NLGN1: variants seen among roughly 807,000 people sequenced by gnomAD.
The protein encoded by NLGN1 is neuroligin-1.
Under a neutral mutation model 65.5 loss-of-function variants are expected in NLGN1, and 12 were observed. The observed-to-expected ratio is 0.18, with a 90% confidence interval of 0.12 to 0.30. The LOEUF is 0.30. NLGN1 is among the 10% of genes least tolerant of loss of function. NLGN1 has a pLI of 1.00. For missense variants in NLGN1, 750 were observed against 1,007.1 expected, an observed-to-expected ratio of 0.74 and a Z score of 3.46; for synonymous variants, 350 against 359.5, an observed-to-expected ratio of 0.97 and a Z score of 0.30.
downstream of NLGN1, among the ~76,000 whole-genome samples, chr3:174,289,264 A>G (rs1752462038): frequency 1.3e-5 from 2 of 151,400 alleles, no homozygotes; most frequent in Non-Finnish European, 3.0e-5. Context: ...AATATCTACT[A>G]ATACTTGTTG....
intron 4 of NLGN1, among the ~76,000 whole-genome samples, chr3:174,115,857 T>A (rs1007411765): frequency 3.3e-5 from 5 of 152,212 alleles, no homozygotes; most frequent in Admixed American, 2.0e-4. Flanking sequence ...AATGAAGATG[T>A]TGAAGTACAT....
intron 4 of NLGN1, among the ~76,000 whole-genome samples, chr3:173,840,836 T>C (rs1032028333): frequency 2.0e-5 from 3 of 152,146 alleles, no homozygotes; most frequent in Non-Finnish European, 4.4e-5. Context: ...ACTTTTTGCC[T>C]CAAAAGCTTT....
At chr3:173,454,028 T>A (rs1722096184) in intron 2 of NLGN1, among the ~76,000 whole-genome samples, 1 of 152,246 alleles carries the variant, frequency 6.6e-6, no homozygotes, top group African/African-American at 2.4e-5. Context: ...GACTGTAGAA[T>A]GAATGTTGTG....
At chr3:174,202,852 G>T (rs964810230) in intron 4 of NLGN1, 5 of 152,216 alleles carry the variant, frequency 3.3e-5, no homozygotes, top group African/African-American at 1.2e-4. Flanking sequence ...GTCAATGAGA[G>T]ATACACACAG....
intron 2 of NLGN1, among the ~76,000 whole-genome samples, chr3:173,549,329 C>T (rs1040687066): frequency 2.0e-5 from 3 of 151,926 alleles, no homozygotes; most frequent in Non-Finnish European, 4.4e-5. Context: ...TTAGCAAAAA[C>T]CAAAATATTT....
intron 2 of NLGN1, among the ~76,000 whole-genome samples, chr3:173,529,308 C>T (rs1044031807): frequency 3.3e-5 from 5 of 152,076 alleles, no homozygotes; most frequent in Admixed American, 2.6e-4. Flanking sequence ...CAGGTGAGTA[C>T]GTACTTGACA....
At chr3:174,165,681 A>G (rs1272440813) in intron 4 of NLGN1, among the ~76,000 whole-genome samples, 2 of 151,962 alleles carry the variant, frequency 1.3e-5, no homozygotes, top group African/African-American at 4.8e-5. Flanking sequence ...TGTCTTTGCA[A>G]GCTTTGGTAT....
intron 2 of NLGN1, among the ~76,000 whole-genome samples, chr3:173,581,793 T>C (rs943331251): frequency 2.0e-5 from 3 of 151,936 alleles, no homozygotes; most frequent in African/African-American, 7.2e-5. Flanking sequence ...TTCACAGGAA[T>C]AATGTAGTCT....
chr3:173,750,390 G>A (rs1195988474), intron 3 of NLGN1, among the ~76,000 whole-genome samples: 1 of 152,000 alleles, frequency 6.6e-6, no homozygotes, highest in Non-Finnish European at 1.5e-5. Context: ...GAAGTTTCTG[G>A]TGAGAGTATG....
intron 4 of NLGN1, among the ~76,000 whole-genome samples, chr3:174,270,184 ATTTT>A (rs10547987): frequency 2.7e-4 from 35 of 127,886 alleles, no homozygotes; most frequent in African/African-American, 9.1e-4. Flanking sequence ...TTATTTGTTT[ATTTT>A]TTTTTTTTTC....
chr3:173,451,281 C>G (rs1002684761), intron 2 of NLGN1, among the ~76,000 whole-genome samples: 1 of 152,180 alleles, frequency 6.6e-6, no homozygotes, highest in Admixed American at 6.5e-5. Flanking sequence ...TTTTAACAGT[C>G]AGGACCCTCA....
chr3:173,747,804 T>C (rs11918282), intron 3 of NLGN1, among the ~76,000 whole-genome samples: 14,076 of 67,660 alleles, frequency 0.21, 2,822 homozygotes, highest in East Asian at 0.35. Flanking sequence ...TCTTGTTCTT[T>C]TTTTTTTTTT....
intron 4 of NLGN1, among the ~76,000 whole-genome samples, chr3:174,006,720 T>TA (rs1297964108): frequency 6.6e-6 from 1 of 152,104 alleles, no homozygotes; most frequent in Non-Finnish European, 1.5e-5. Context: ...GTAATTAAGT[T>TA]AAAATGAGGC....
chr3:173,636,085 T>C (rs1439373679), intron 3 of NLGN1, among the ~76,000 whole-genome samples: 1 of 152,312 alleles, frequency 6.6e-6, no homozygotes, highest in Non-Finnish European at 1.5e-5. Flanking sequence ...CTATCGTTTT[T>C]ACAGTTCTAT....
chr3:173,464,435 A>ATTTT lies in NLGN1; in HGVS notation c.-321+29370_-321+29373dup, dbSNP rs10649807. ...ACCACCTCCCATGGTATCAGTTACA[A>ATTTT]TTTTTTTTTTTTTTTTGGAGATGGA... On this transcript the variant is annotated intron_variant, in intron 2 of 6. Transcript: ENST00000457714. Among the ~76,000 whole-genome samples, 759 of 138,568 alleles carry ATTTT rather than the reference A, an allele frequency of 5.5e-3. 3 individuals carry two copies. Among genetic ancestry groups the ATTTT allele is most frequent in the Non-Finnish European group, 9.1e-3 (598 of 65,622 alleles). 90.9% of individuals were successfully genotyped at this position (138,568 alleles called of 152,430 possible). A position where few individuals can be genotyped will look rare whatever the true frequency, so the allele number is the denominator to read the frequency against.
chr3:174,021,105 G>T (rs1473982888), intron 4 of NLGN1, among the ~76,000 whole-genome samples: 1 of 151,770 alleles, frequency 6.6e-6, no homozygotes. Flanking sequence ...GTTGGCCCTG[G>T]TTTCTGGCAA....
intron 4 of NLGN1, among the ~76,000 whole-genome samples, chr3:174,087,814 A>C (rs921609558): frequency 1.3e-5 from 2 of 152,220 alleles, no homozygotes; most frequent in Admixed American, 1.3e-4. Context: ...ATGAATAAGA[A>C]ATGCAGTCAG....
intron 3 of NLGN1, among the ~76,000 whole-genome samples, chr3:173,793,176 G>A (rs1191191810): frequency 6.6e-6 from 1 of 152,052 alleles, no homozygotes; most frequent in Non-Finnish European, 1.5e-5. Flanking sequence ...AAAATGGATT[G>A]GGAGAGAGTC....
intron 3 of NLGN1, among the ~76,000 whole-genome samples, chr3:173,723,672 G>T (rs977870779): frequency 6.6e-6 from 1 of 152,106 alleles, no homozygotes; most frequent in Non-Finnish European, 1.5e-5. Context: ...AAAAATAAGT[G>T]TGTATTATAG....
Sources: allele counts gnomAD v4.1 joint callset (sites outside exome capture counted in the v4.1 genomes callset), GRCh38; gene constraint gnomAD v4.1.1; transcripts MANE v1.5; gene names NCBI Gene and HGNC (gene_info 2026-07-23, HGNC 2026-07-21).